The following PLEKHA5 variants were observed in gnomAD, a reference collection of about 807,000 sequenced individuals.
PLEKHA5 encodes the protein pleckstrin homology domain-containing family A member 5.
A neutral mutation model predicts 181.9 loss-of-function variants in PLEKHA5; 55 were observed. The ratio of observed to expected loss-of-function variants is 0.30; its 90% CI spans 0.24 to 0.38. The LOEUF (loss-of-function observed/expected upper bound fraction) is 0.38. Among genes scored for constraint, PLEKHA5 ranks in the 10% least tolerant of loss-of-function variants. The pLI is 1.00. For synonymous variants in PLEKHA5, 535 were observed against 529.4 expected, an observed-to-expected ratio of 1.01 and a Z score of -0.15; for missense variants, 1,432 against 1,549.5, an observed-to-expected ratio of 0.92 and a Z score of 1.27.
chr12:19,292,983 A>G (rs2078854902), intron 15 of PLEKHA5, among the ~76,000 whole-genome samples: 1 of 152,186 alleles, frequency 6.6e-6, no homozygotes, highest in African/African-American at 2.4e-5. Flanking sequence ...CTCAGTTTTT[A>G]TAAAATGTTC....
At chr12:19,323,723 C>T (rs1310711507) in intron 20 of PLEKHA5, among the ~76,000 whole-genome samples, 8 of 144,752 alleles carry the variant, frequency 5.5e-5, no homozygotes, top group Non-Finnish European at 1.0e-4. Context: ...GGCTGAGGCA[C>T]GAGAATTGCT....
intron 24 of PLEKHA5, among the ~76,000 whole-genome samples, chr12:19,347,745 A>T (rs757510497): frequency 2.6e-5 from 4 of 152,210 alleles, no homozygotes; most frequent in Non-Finnish European, 5.9e-5. Flanking sequence ...TGTCTGTGAC[A>T]GGAATTTTAG....
chr12:19,297,753 AT>A (rs36109060), intron 15 of PLEKHA5, among the ~76,000 whole-genome samples: 72,040 of 138,830 alleles, frequency 0.52, 20,400 homozygotes, highest in Non-Finnish European at 0.67. Context: ...GTAAATTATT[AT>A]TTTTTTTTTT....
intron 12 of PLEKHA5, among the ~76,000 whole-genome samples, chr12:19,286,784 G>T (rs2152820229): frequency 6.6e-6 from 1 of 152,006 alleles, no homozygotes; most frequent in African/African-American, 2.4e-5. Context: ...TGGCCAACAT[G>T]GTGAAACCCC....
chr12:19,302,983 G>A (rs2082039360), intron 15 of PLEKHA5, among the ~76,000 whole-genome samples: 2 of 123,842 alleles, frequency 1.6e-5, no homozygotes. Flanking sequence ...GTGCAGCAGC[G>A]CCATCTCGGC....
At chr12:19,169,782 G>A (rs1469789932) in intron 3 of PLEKHA5, among the ~76,000 whole-genome samples, 2 of 152,064 alleles carry the variant, frequency 1.3e-5, no homozygotes, top group African/African-American at 4.8e-5. Context: ...GATTTAATTG[G>A]GCCACAGTCT....
intron 3 of PLEKHA5, among the ~76,000 whole-genome samples, chr12:19,147,596 C>CT (rs71064060): frequency 0.099 from 13,560 of 137,502 alleles, 765 homozygotes; most frequent in Admixed American, 0.19. Context: ...TTTCTTTTTT[C>CT]TTTTTTTTTT....
intron 3 of PLEKHA5, among the ~76,000 whole-genome samples, chr12:19,233,618 C>A (rs1194804229): frequency 6.6e-6 from 1 of 152,150 alleles, no homozygotes; most frequent in Non-Finnish European, 1.5e-5. Context: ...AAGGCTGGCA[C>A]TTTGAAGAAG....
intron 3 of PLEKHA5, among the ~76,000 whole-genome samples, chr12:19,223,782 G>A (rs1446712302): frequency 6.6e-6 from 1 of 152,088 alleles, no homozygotes; most frequent in East Asian, 1.9e-4. Context: ...CTCAGTTAAT[G>A]GGGTCAAGCA....
chr12:19,134,799 T>G (rs1353620243), intron 3 of PLEKHA5, among the ~76,000 whole-genome samples: 4 of 152,150 alleles, frequency 2.6e-5, no homozygotes, highest in Admixed American at 6.5e-5. Flanking sequence ...AACTTACAGT[T>G]TGCAAAGACA....
chr12:19,341,817 C>T (rs2093953049), intron 21 of PLEKHA5, among the ~76,000 whole-genome samples: 1 of 152,032 alleles, frequency 6.6e-6, no homozygotes, highest in Admixed American at 6.6e-5. Context: ...ACTGCAACCT[C>T]TTCCCCCAGG....
chr12:19,220,997 A>C (rs1316813864), intron 3 of PLEKHA5, among the ~76,000 whole-genome samples: 1 of 152,186 alleles, frequency 6.6e-6, no homozygotes, highest in Non-Finnish European at 1.5e-5. Context: ...AATTCAAAAA[A>C]CTGGCCATAC....
At chr12:19,321,349 TC>T (rs2090696400) in intron 18 of PLEKHA5, among the ~76,000 whole-genome samples, 5 of 82,732 alleles carry the variant, frequency 6.0e-5, no homozygotes, top group African/African-American at 1.7e-4. Flanking sequence ...TCTTTTCTTT[TC>T]TTTTCTTTTC....
At chr12:19,186,889 C>A (rs951463871) in intron 3 of PLEKHA5, among the ~76,000 whole-genome samples, 1 of 152,058 alleles carries the variant, frequency 6.6e-6, no homozygotes, top group Non-Finnish European at 1.5e-5. Flanking sequence ...ATCAGAAGGT[C>A]GAGGAATAAC....
intron 3 of PLEKHA5, among the ~76,000 whole-genome samples, chr12:19,168,055 G>A (rs1041785501): frequency 5.9e-5 from 9 of 152,140 alleles, no homozygotes; most frequent in Admixed American, 2.6e-4. Context: ...CTGGTTGAGA[G>A]CTTCTATTTG....
At chr12:19,303,036 C>G (rs1416863755) in intron 15 of PLEKHA5, among the ~76,000 whole-genome samples, 1 of 142,952 alleles carries the variant, frequency 7.0e-6, no homozygotes. Context: ...ATTCTCCTGT[C>G]TCAGCCTCCT....
At position 19,375,868 on chromosome 12, in the gene PLEKHA5, TTATATA is replaced by T. The variant is rs1215483739; in HGVS notation, c.*355_*360del. 1 of 152,524 alleles carries T rather than the reference TTATATA, an allele frequency of 6.6e-6. No individual in the cohort carries two copies. The highest frequency in any genetic ancestry group is 2.4e-5 in the African/African-American group (1 of 41,452). The allele number at this position is 152,524 out of a possible 1,614,324, so 9.4% of individuals were successfully genotyped here. A position where few individuals can be genotyped will look rare whatever the true frequency, so the allele number is the denominator to read the frequency against. On this transcript the variant is annotated 3_prime_UTR_variant, in exon 32 of 32. Transcript: ENST00000429027. ...CGATGTTTCTTAAGTCTAGGTGAATTTATATATATATTTTTTTGCTTTTCATTTTCT... is the reference window on the plus strand; with the variant it reads ...CGATGTTTCTTAAGTCTAGGTGAATTTATATTTTTTTGCTTTTCATTTTCT...
chr12:19,235,865 T>G (rs1187115705), intron 3 of PLEKHA5, among the ~76,000 whole-genome samples: 1 of 152,146 alleles, frequency 6.6e-6, no homozygotes, highest in Non-Finnish European at 1.5e-5. Flanking sequence ...AGCTGAAATG[T>G]GGGGAAAGGA....
intron 15 of PLEKHA5, among the ~76,000 whole-genome samples, chr12:19,302,023 T>G (rs1341412776): frequency 9.2e-5 from 14 of 152,190 alleles, no homozygotes; most frequent in African/African-American, 2.4e-5. Context: ...ATCAAATTCT[T>G]TAGCTTTTTA....
Sources: allele counts gnomAD v4.1 joint callset (sites outside exome capture counted in the v4.1 genomes callset), GRCh38; gene constraint gnomAD v4.1.1; transcripts MANE v1.5; gene names NCBI Gene and HGNC (gene_info 2026-07-23, HGNC 2026-07-21).